The following LRIT1 variants were observed in gnomAD, a reference collection of about 807,000 sequenced individuals.
LRIT1 encodes leucine rich repeat, Ig-like and transmembrane domains 1, also known as leucine-rich repeat, immunoglobulin-like domain and transmembrane domain-containing protein 1.
In LRIT1, 23 loss-of-function variants were observed where a neutral mutation model predicts 24.0. The ratio of observed to expected loss-of-function variants is 0.96; its 90% CI spans 0.69 to 1.36. LRIT1 has a LOEUF of 1.36. Among genes scored for constraint, LRIT1 ranks in the 40% most tolerant of loss-of-function variants. LRIT1 has a pLI of 0.00. For missense variants in LRIT1, 846 were observed against 806.3 expected (o/e 1.05, Z -0.60); for synonymous variants, 361 against 340.5 (o/e 1.06, Z -0.66).
intron 2 of LRIT1, among the ~76,000 whole-genome samples, chr10:84,235,907 G>A (rs1020691231): frequency 3.3e-5 from 5 of 150,500 alleles, no homozygotes; most frequent in Admixed American, 6.6e-5. Context: ...CCCCGTACCC[G>A]GCCCAGATGG....
Position 84,241,524 on chromosome 10 carries a change from A to C in LRIT1, c.-85T>G. ...GGCCCAGCAAGCTCAGCAGCTGCCCACTTGCTCGCCAGCCCCTTACACCCC... is the reference window on the plus strand; with the variant it reads ...GGCCCAGCAAGCTCAGCAGCTGCCCCCTTGCTCGCCAGCCCCTTACACCCC... On this transcript the variant is annotated 5_prime_UTR_variant, in exon 1 of 4. Transcript: ENST00000372105. 3 of 822,726 alleles carry C rather than the reference A, an allele frequency of 3.6e-6. No homozygotes were observed. The highest frequency in any genetic ancestry group is 5.2e-6 in the Non-Finnish European group (3 of 577,252). 51.0% of individuals were successfully genotyped at this position (822,726 alleles called of 1,614,324 possible). A position where few individuals can be genotyped will look rare whatever the true frequency, so the allele number is the denominator to read the frequency against.
At chr10:84,239,535 G>T (rs1245117573) in intron 1 of LRIT1, among the ~76,000 whole-genome samples, 2 of 152,296 alleles carry the variant, frequency 1.3e-5, no homozygotes, top group South Asian at 4.1e-4. Flanking sequence ...TATCTTGAAC[G>T]GGAGAGAAAA....
Position 84,237,286 on chromosome 10 carries a change from T to G in LRIT1, c.523A>C (p.Ile175Leu). 1 of 1,550,998 alleles carries G rather than the reference T, an allele frequency of 6.4e-7. No individual in the cohort carries two copies. Among genetic ancestry groups the G allele is most frequent in the East Asian group, 2.4e-5 (1 of 40,898 alleles). ...NQLMRLPQEL[I>L]VSWAHLETGI... ...GTCTCCAGGTGAGCCCAGGAGACGA[T>G]GAGCTCCTGCGGGAGCCTCATCAGC... The change falls in exon 2 of 4, where the codon ATC becomes CTC. Residue 175 changes from isoleucine (I) to leucine (L), a missense_variant. Physicochemically the swap from Ile to Leu is conservative, Grantham distance 5. Coordinates refer to ENST00000372105, the MANE Select transcript of LRIT1 (RefSeq NM_015613.3).
intron 1 of LRIT1, among the ~76,000 whole-genome samples, chr10:84,239,845 G>A (rs947031271): frequency 2.0e-5 from 3 of 152,220 alleles, no homozygotes; most frequent in African/African-American, 7.2e-5. Context: ...TAACTGCACA[G>A]TCTGTGCCCA....
chr10:84,234,652 C>T (rs1358000744), intron 2 of LRIT1, among the ~76,000 whole-genome samples: 6 of 152,158 alleles, frequency 3.9e-5, no homozygotes, highest in African/African-American at 7.2e-5. Context: ...CTGACAAAAC[C>T]GGCAATTACT....
In LRIT1 at chr10:84,241,307, C is replaced by T. The variant is rs779076508; in HGVS notation, c.122+11G>A. 8 of 1,613,722 alleles carry T rather than the reference C, an allele frequency of 5.0e-6. No homozygotes were observed. In the South Asian group the frequency reaches 5.5e-5, roughly 11 times the overall value. On this transcript the variant is annotated intron_variant, in intron 1 of 3. Transcript: ENST00000372105. ...GGCTGGGCTGCCCGTCCCACGCACC[C>T]GGTACCATACCTGGCCTTGCTGCCA...
intron 2 of LRIT1, 105 bp downstream of exon 2, chr10:84,237,115 G>T: frequency 1.1e-6 from 1 of 944,758 alleles, no homozygotes; most frequent in Non-Finnish European, 1.6e-6. Flanking sequence ...CACTGTCTTT[G>T]CTCAAACCTG....
intron 3 of LRIT1, among the ~76,000 whole-genome samples, chr10:84,233,255 G>C (rs980986458): frequency 2.0e-5 from 3 of 152,066 alleles, no homozygotes; most frequent in African/African-American, 7.2e-5. Context: ...CTCCAGCCTG[G>C]AACTCCCAGG....
Position 84,232,799 on chromosome 10 carries a change from G to C in LRIT1, c.1000C>G (p.Leu334Val). The C allele has an allele frequency of 6.2e-7, 1 of 1,613,746 alleles. No individual in the cohort carries two copies. The highest frequency in any genetic ancestry group is 1.3e-5 in the African/African-American group (1 of 75,060). The change falls in exon 4 of 4, where the codon CTG (leucine) becomes GTG (valine). Residue 334 changes from leucine to valine, a missense_variant. Leu to Val is a conservative substitution (Grantham distance 32). Coordinates refer to ENST00000372105, the MANE Select transcript of LRIT1 (RefSeq NM_015613.3). ...GDYICQAKNF[L>V]GASETVISLI... ...GAGATAACAGTTTCAGAGGCTCCCA[G>C]GAAGTTCTTGGCTTGGCAGATGTAG...
rs149315483 is a variant in LRIT1, at chr10:84,241,382, G to A, written c.58C>T (p.Arg20Trp). 5.6e-6 allele frequency: 9 copies of A among 1,611,544 alleles called. No individual in the cohort carries two copies. Among genetic ancestry groups the A allele is most frequent in the East Asian group, 2.2e-5 (1 of 44,776 alleles). ...CTGCATTGAGAGGGGCAGAAGCCCC[G>A]GGCCTGGGGGGGCCACGCAAGGGCC... ...LLALAWPPQA[R>W]GFCPSQCSCS... Residue 20 changes from arginine to tryptophan, a missense_variant, in exon 1 of 4, where the codon CGG becomes TGG. Arg to Trp is a moderately radical substitution (Grantham distance 101, BLOSUM62 -3). Transcript: ENST00000372105.
At chr10:84,240,664 G>A (rs917285000) in intron 1 of LRIT1, among the ~76,000 whole-genome samples, 1 of 152,216 alleles carries the variant, frequency 6.6e-6, no homozygotes, top group South Asian at 2.1e-4. Context: ...GGTGCTCTGA[G>A]GGATCAGACA....
chr10:84,232,960 C>A, intron 3 of LRIT1, 57 bp from the exon 4 acceptor site: 1 of 1,551,522 alleles, frequency 6.4e-7, no homozygotes, highest in Admixed American at 1.8e-5. Context: ...CCCCAAGCTG[C>A]CTTTCAGGGC....
intron 1 of LRIT1, 66 bp downstream of exon 1, chr10:84,241,252 C>T: frequency 6.2e-7 from 1 of 1,609,070 alleles, no homozygotes; most frequent in Non-Finnish European, 8.5e-7. Context: ...CCAACTCCTC[C>T]CAACCCAGCC....
At chr10:84,233,294 G>A (rs11200932) in intron 3 of LRIT1, among the ~76,000 whole-genome samples, 4,852 of 152,162 alleles carry the variant, frequency 0.032, 143 homozygotes, top group East Asian at 0.13. Context: ...CTCAGCTCCT[G>A]AGTAGCTGGG....
In LRIT1 at chr10:84,231,939, C is replaced by T; in HGVS notation, c.1860G>A (p.Glu620=). Residue 620 remains glutamate (E), a synonymous_variant, in exon 4 of 4, where the codon GAG becomes GAA. Transcript: ENST00000372105. ...FGVKGGRRIN[E]YFC is the part of the protein sequence containing the mutation. The stretch of plus-strand genomic sequence containing the variant: ...GGAGGCATATCCCTCAGCAGAAGTA[C>T]TCATTGATTCTCCTGCCCCCTTTGA... 2 of 1,605,648 alleles carry T rather than the reference C, an allele frequency of 1.2e-6. No individual in the cohort carries two copies. The highest frequency in any genetic ancestry group is 1.7e-6 in the Non-Finnish European group (2 of 1,174,236).
chr10:84,240,470 C>T (rs1263126120), intron 1 of LRIT1, among the ~76,000 whole-genome samples: 1 of 152,182 alleles, frequency 6.6e-6, no homozygotes, highest in East Asian at 1.9e-4. Context: ...TTCCCAGGAT[C>T]AGAAACCATC....
chr10:84,237,903 C>A (rs1842665562), intron 1 of LRIT1, among the ~76,000 whole-genome samples: 1 of 152,114 alleles, frequency 6.6e-6, no homozygotes, highest in African/African-American at 2.4e-5. Flanking sequence ...CACAATGGTC[C>A]CAGGAAGGTG....
rs1183489247 is a variant in LRIT1 at position 84,234,292 on chromosome 10, T to C, written c.676A>G (p.Ile226Val). ...LDGWAPNLAF[I>V]ETELRCASPR... Reference sequence around the variant, plus strand: ...CTGGCACATCTCAGTTCAGTCTCAATGAAGGCCAAGTTTGGGGCCCAGCCA... The same window carrying C: ...CTGGCACATCTCAGTTCAGTCTCAACGAAGGCCAAGTTTGGGGCCCAGCCA... Residue 226 changes from isoleucine (I) to valine (V), a missense_variant, in exon 3 of 4, where the codon ATT (isoleucine) becomes GTT (valine). By Grantham distance (29) the Ile-to-Val change is conservative. Transcript: ENST00000372105. The C allele has an allele frequency of 1.2e-6, 2 of 1,611,632 alleles. No individual in the cohort carries two copies. The highest frequency in any genetic ancestry group is 1.3e-5 in the African/African-American group (1 of 74,842).
At position 84,234,398 on chromosome 10, in the gene LRIT1, G is replaced by A. The variant is rs1269209990; in HGVS notation, c.590-20C>T. The A allele has an allele frequency of 2.7e-6, 4 of 1,504,790 alleles. No individual in the cohort carries two copies. The highest frequency in any genetic ancestry group is 3.6e-6 in the Non-Finnish European group (4 of 1,124,696). 93.2% of individuals were successfully genotyped at this position (1,504,790 alleles called of 1,614,324 possible). On this transcript the variant is annotated intron_variant, in intron 2 of 3. Transcript: ENST00000372105. ...GTAGCCCTGCAGGAGTAAAAAAGAA[G>A]ACAAGATATTCAGATAGATACTCAA... is the stretch of plus-strand genomic sequence containing the variant.
Sources: allele counts gnomAD v4.1 joint callset (sites outside exome capture counted in the v4.1 genomes callset), GRCh38; gene constraint gnomAD v4.1.1; transcripts MANE v1.5; gene names NCBI Gene and HGNC (gene_info 2026-07-23, HGNC 2026-07-21).